The following ARL5B variants were observed in gnomAD, a reference collection of about 807,000 sequenced individuals.
The protein encoded by ARL5B is ARF like GTPase 5B.
Under a neutral mutation model 26.9 loss-of-function variants are expected in ARL5B, and 10 were observed. The observed-to-expected ratio is 0.37, with a 90% confidence interval of 0.23 to 0.63. The LOEUF (loss-of-function observed/expected upper bound fraction) is 0.63. Among genes scored for constraint, ARL5B ranks in the 30% least tolerant of loss-of-function variants. ARL5B has a pLI of 0.62. For synonymous variants in ARL5B, 87 were observed against 70.4 expected (o/e 1.24, Z -1.18); for missense variants, 167 against 213.9 (o/e 0.78, Z 1.37).
At chr10:18,665,934 G>A (rs1384885352) in intron 1 of ARL5B, among the ~76,000 whole-genome samples, 1 of 152,154 alleles carries the variant, frequency 6.6e-6, no homozygotes, top group Non-Finnish European at 1.5e-5. Flanking sequence ...GGCACCCAAA[G>A]GAGGAAAGAA....
chr10:18,675,234 G>C lies in ARL5B; in HGVS notation c.*18G>C. The C allele has an allele frequency of 4.3e-6, 7 of 1,610,568 alleles. No homozygotes were observed. In the African/African-American group the frequency reaches 6.7e-5, roughly 15 times the overall value. On this transcript the variant is annotated 3_prime_UTR_variant, in exon 6 of 6. Coordinates refer to ENST00000377275, the MANE Select transcript of ARL5B (RefSeq NM_178815.5). ...TGAGATAACTTTTTTGCTTGAAAGA[G>C]ACTGCTCTATTTATTCTGTGACATG...
rs1260733509 is a variant in ARL5B, at chr10:18,675,331, G to C, written c.*115G>C. On this transcript the variant is annotated 3_prime_UTR_variant, in exon 6 of 6. Coordinates refer to ENST00000377275, the MANE Select transcript of ARL5B (RefSeq NM_178815.5). ...AATTTATAACAACACAAACCTCTGA[G>C]AGCAACACTTGAATCAAGTGCAGCT... 3.0e-6 allele frequency: 3 copies of C among 992,328 alleles called. No homozygotes were observed. The highest frequency in any genetic ancestry group is 4.6e-6 in the Non-Finnish European group (3 of 647,310). 61.5% of individuals were successfully genotyped at this position (992,328 alleles called of 1,614,324 possible). A position where few individuals can be genotyped will look rare whatever the true frequency, so the allele number is the denominator to read the frequency against.
At chr10:18,665,438 G>T (rs1276951880) in intron 1 of ARL5B, among the ~76,000 whole-genome samples, 1 of 152,168 alleles carries the variant, frequency 6.6e-6, no homozygotes, top group African/African-American at 2.4e-5. Context: ...AGAGGACCGT[G>T]TCTGTTTATC....
intron 3 of ARL5B, among the ~76,000 whole-genome samples, chr10:18,670,180 A>G (rs545389386): frequency 3.3e-5 from 5 of 152,342 alleles, no homozygotes; most frequent in Admixed American, 2.0e-4. Flanking sequence ...AAGATGGCGT[A>G]TCATAGATAA....
rs1357256587 is a variant in ARL5B at position 18,659,615 on chromosome 10, C to A, written c.-23C>A. The A allele has an allele frequency of 6.2e-7, 1 of 1,605,360 alleles. No individual in the cohort carries two copies. Among genetic ancestry groups the A allele is most frequent in the Admixed American group, 1.7e-5 (1 of 59,248 alleles). ...AGCGGCACCTGCTGCCGAGGGACCCCGCGGCCCGCCCCGGTGCTCGTGATG... is the reference window on the plus strand; with the variant it reads ...AGCGGCACCTGCTGCCGAGGGACCCAGCGGCCCGCCCCGGTGCTCGTGATG... On this transcript the variant is annotated 5_prime_UTR_variant, in exon 1 of 6. Coordinates refer to ENST00000377275, the MANE Select transcript of ARL5B (RefSeq NM_178815.5).
chr10:18,676,640 A>G lies in ARL5B; in HGVS notation c.*1424A>G, dbSNP rs1288354776. On this transcript the variant is annotated 3_prime_UTR_variant, in exon 6 of 6. Coordinates refer to ENST00000377275, the MANE Select transcript of ARL5B (RefSeq NM_178815.5). The stretch of plus-strand genomic sequence containing the variant: ...GAGAATAATACTTCATTTTTGCAGT[A>G]CTTTTTAATTTTGATAAAAAAGATA... The G allele has an allele frequency of 2.0e-5, 3 of 152,052 alleles. No individual in the cohort carries two copies. The highest frequency in any genetic ancestry group is 2.9e-5 in the Non-Finnish European group (2 of 67,888). 9.4% of individuals were successfully genotyped at this position (152,052 alleles called of 1,614,324 possible).
chr10:18,679,803 A>C lies in ARL5B; in HGVS notation c.*4587A>C, dbSNP rs2059925085. ...AATATCATGAGGTCGAAAAAACTTC[A>C]AAAGGATATTAGGTAAGAGAAAATG... On this transcript the variant is annotated 3_prime_UTR_variant, in exon 6 of 6. Transcript: ENST00000377275. The C allele has an allele frequency of 6.6e-6, 1 of 151,964 alleles. No individual in the cohort carries two copies. Among genetic ancestry groups the C allele is most frequent in the African/African-American group, 2.4e-5 (1 of 41,418 alleles). The allele number at this position is 151,964 out of a possible 1,614,324, so 9.4% of individuals were successfully genotyped here.
In ARL5B at chr10:18,672,716, A is replaced by C. The variant is rs1397176531; in HGVS notation, c.339+11A>C. ...ATGTTGGCTCATGAGGTAAATTTTT[A>C]AAGTAAATCTTTAAAAAACAGTGTA... On this transcript the variant is annotated intron_variant, in intron 4 of 5. Coordinates refer to ENST00000377275, the MANE Select transcript of ARL5B (RefSeq NM_178815.5). The C allele has an allele frequency of 1.9e-6, 3 of 1,587,258 alleles. No homozygotes were observed. The highest frequency in any genetic ancestry group is 1.3e-5 in the African/African-American group (1 of 74,344).
intron 3 of ARL5B, among the ~76,000 whole-genome samples, chr10:18,671,656 C>T (rs1223960576): frequency 6.6e-6 from 1 of 150,782 alleles, no homozygotes; most frequent in Non-Finnish European, 1.5e-5. Context: ...CCTCCTCCTC[C>T]CCCTCACCCA....
At chr10:18,660,174 A>C (rs563424679) in intron 1 of ARL5B, among the ~76,000 whole-genome samples, 1 of 152,112 alleles carries the variant, frequency 6.6e-6, no homozygotes, top group Non-Finnish European at 1.5e-5. Flanking sequence ...CTTGGGAATG[A>C]GTTGTCCTAT....
In ARL5B at chr10:18,676,928, C is replaced by G. The variant is rs2059912874; in HGVS notation, c.*1712C>G. 6.6e-6 allele frequency: 1 copy of G among 152,248 alleles called. No individual in the cohort carries two copies. Among genetic ancestry groups the G allele is most frequent in the Non-Finnish European group, 1.5e-5 (1 of 67,838 alleles). 9.4% of individuals were successfully genotyped at this position (152,248 alleles called of 1,614,324 possible). ...GTTTTAAGCCGTTTTCTTAGTGATT[C>G]TGTATCAAGTAGAGGATAAGTGTAG... On this transcript the variant is annotated 3_prime_UTR_variant, in exon 6 of 6. Coordinates refer to ENST00000377275, the MANE Select transcript of ARL5B (RefSeq NM_178815.5).
intron 5 of ARL5B, 108 bp downstream of exon 5, chr10:18,674,243 CTTAA>C: frequency 1.9e-6 from 2 of 1,077,508 alleles, no homozygotes; most frequent in Non-Finnish European, 2.5e-6. Context: ...TTTGTTTGTT[CTTAA>C]TTAAAGGTGA....
intron 2 of ARL5B, among the ~76,000 whole-genome samples, chr10:18,667,133 C>G (rs2059864917): frequency 6.6e-6 from 1 of 152,196 alleles, no homozygotes; most frequent in Non-Finnish European, 1.5e-5. Flanking sequence ...AGGAAATTTT[C>G]ACAGCTCATC....
At chr10:18,673,054 T>G (rs565665687) in intron 4 of ARL5B, among the ~76,000 whole-genome samples, 2 of 151,742 alleles carry the variant, frequency 1.3e-5, no homozygotes, top group Non-Finnish European at 2.9e-5. Flanking sequence ...TTTTTTTTTG[T>G]TTTTTGTTTT....
chr10:18,675,350 T>C lies in ARL5B; in HGVS notation c.*134T>C. 1.2e-6 allele frequency: 1 copy of C among 815,980 alleles called. No individual in the cohort carries two copies. Among genetic ancestry groups the C allele is most frequent in the Non-Finnish European group, 2.0e-6 (1 of 505,056 alleles). 50.5% of individuals were successfully genotyped at this position (815,980 alleles called of 1,614,324 possible). A position where few individuals can be genotyped will look rare whatever the true frequency, so the allele number is the denominator to read the frequency against. ...CTCTGAGAGCAACACTTGAATCAAG[T>C]GCAGCTGAACTGGAACATAAAAGAT... is the stretch of plus-strand genomic sequence containing the variant. On this transcript the variant is annotated 3_prime_UTR_variant, in exon 6 of 6. Transcript: ENST00000377275.
chr10:18,670,589 TG>T (rs747282797), intron 3 of ARL5B, among the ~76,000 whole-genome samples: 2 of 152,082 alleles, frequency 1.3e-5, no homozygotes, highest in Admixed American at 6.6e-5. Context: ...CCAGCCTGGG[TG>T]GCAGAGTCTC....
Position 18,681,183 on chromosome 10 carries a change from T to G in ARL5B, c.*5967T>G, listed in dbSNP as rs2059930512. Reference sequence around the variant, plus strand: ...TGTGCAGAGGAAAGAAAAATGTCTTTCACACCACAAACTGTGTGTCTGAAC... The same window carrying G: ...TGTGCAGAGGAAAGAAAAATGTCTTGCACACCACAAACTGTGTGTCTGAAC... On this transcript the variant is annotated 3_prime_UTR_variant, in exon 6 of 6. Coordinates refer to ENST00000377275, the MANE Select transcript of ARL5B (RefSeq NM_178815.5). The G allele has an allele frequency of 1.3e-5, 2 of 152,116 alleles. No individual in the cohort carries two copies. The allele number at this position is 152,116 out of a possible 1,614,324, so 9.4% of individuals were successfully genotyped here.
At chr10:18,672,355 T>C (rs919878208) in intron 3 of ARL5B, among the ~76,000 whole-genome samples, 2 of 152,226 alleles carry the variant, frequency 1.3e-5, no homozygotes, top group Admixed American at 6.5e-5. Flanking sequence ...CATAGTATTA[T>C]GTATTCGGGC....
Position 18,674,047 on chromosome 10 carries a change from G to A in ARL5B, c.403G>A (p.Ala135Thr), listed in dbSNP as rs1486307192. 1.2e-6 allele frequency: 2 copies of A among 1,613,484 alleles called. No individual in the cohort carries two copies. The highest frequency in any genetic ancestry group is 1.7e-6 in the Non-Finnish European group (2 of 1,179,704). Residue 135 changes from alanine to threonine, a missense_variant, in exon 5 of 6, where the codon GCA (alanine) becomes ACA (threonine). Transcript: ENST00000377275. ...NKQDMKGCMT[A>T]AEISKYLTLS... ...ACAGGATATGAAAGGGTGTATGACA[G>A]CAGCTGAAATCTCGAAATACCTCAC...
Sources: gnomAD v4.1 joint callset for allele counts (sites outside exome capture counted in the v4.1 genomes callset) on GRCh38, gnomAD v4.1.1 for gene constraint, MANE v1.5 for transcripts, NCBI Gene and HGNC (gene_info 2026-07-23, HGNC 2026-07-21) for gene names.